Variants in CSMD1 observed in about 807,000 individuals in gnomAD.
CSMD1 encodes the protein CUB and Sushi multiple domains 1, also known as CUB and sushi domain-containing protein 1.
CSMD1 carries 213 observed loss-of-function variants against 417.5 expected under a neutral mutation model. The observed-to-expected ratio is 0.51, with a 90% CI of 0.46 to 0.57. The LOEUF (loss-of-function observed/expected upper bound fraction) is 0.57, where lower values mean the gene tolerates loss of function less well. Among genes scored for constraint, CSMD1 ranks in the 20% least tolerant of loss-of-function variants. The probability of loss-of-function intolerance (pLI) is 0.00; values close to 1 mark genes in which losing one functional copy is unlikely to be tolerated. For synonymous variants in CSMD1, 2,862 were observed against 1,736.8 expected (o/e 1.65, Z -16.11); for missense variants, 6,923 against 4,529.7 (o/e 1.53, Z -15.17).
At chr8:4,162,091 T>G (rs993602780) in intron 3 of CSMD1, among the ~76,000 whole-genome samples, 1 of 152,206 alleles carries the variant, frequency 6.6e-6, no homozygotes, top group Non-Finnish European at 1.5e-5. Flanking sequence ...AAGGCAACAT[T>G]TAAACACTGA....
rs376475292 is a variant in CSMD1, at chr8:3,024,990, G to C, written c.7855+4329C>G. ...TTGTGTGGTGTTATTCTAAAACTGT[G>C]TATTGTGTGGTGTTATTCTGAAACC... On this transcript the variant is annotated intron_variant, in intron 51 of 69. Transcript: ENST00000635120. 1.1e-3 allele frequency among the ~76,000 whole-genome samples: 174 copies of C among 151,748 alleles called. 1 individual carries two copies. Among genetic ancestry groups the C allele is most frequent in the African/African-American group, 4.1e-3 (170 of 41,326 alleles).
intron 3 of CSMD1, among the ~76,000 whole-genome samples, chr8:4,274,218 G>A (rs567822776): frequency 7.4e-4 from 113 of 152,068 alleles, no homozygotes; most frequent in Non-Finnish European, 1.3e-3. Flanking sequence ...AGTTTATAAA[G>A]TCCAGGCCTC....
intron 1 of CSMD1, among the ~76,000 whole-genome samples, chr8:4,798,469 T>C (rs901025946): frequency 1.3e-5 from 2 of 152,170 alleles, no homozygotes; most frequent in Non-Finnish European, 2.9e-5. Flanking sequence ...ATATATAAAA[T>C]GTCTATTAAA....
chr8:4,819,651 T>C (rs1340929982), intron 1 of CSMD1, among the ~76,000 whole-genome samples: 1 of 152,176 alleles, frequency 6.6e-6, no homozygotes, highest in Non-Finnish European at 1.5e-5. Flanking sequence ...ACAAATATCA[T>C]CTGTTGTCAC....
chr8:3,399,332 T>C, intron 16 of CSMD1, 59 bp downstream of exon 16: 1 of 1,467,570 alleles, frequency 6.8e-7, no homozygotes, highest in Non-Finnish European at 9.1e-7. Flanking sequence ...ATCCATTTAC[T>C]AAAACTATGG....
intron 46 of CSMD1, among the ~76,000 whole-genome samples, chr8:3,101,785 GTTTC>G (rs981061992): frequency 5.2e-5 from 7 of 133,580 alleles, no homozygotes; most frequent in Admixed American, 8.0e-5. Context: ...TGATAATTTT[GTTTC>G]TTTCTTTTTC....
chr8:4,079,615 A>T (rs781039198), intron 3 of CSMD1, among the ~76,000 whole-genome samples: 1 of 152,242 alleles, frequency 6.6e-6, no homozygotes, highest in Non-Finnish European at 1.5e-5. Context: ...AGATTTCTTC[A>T]TGGAGAATTA....
At chr8:4,409,447 A>G (rs1380586464) in intron 3 of CSMD1, among the ~76,000 whole-genome samples, 1 of 152,150 alleles carries the variant, frequency 6.6e-6, no homozygotes, top group Non-Finnish European at 1.5e-5. Flanking sequence ...ACAAATCAAC[A>G]ACAAAAAACA....
intron 2 of CSMD1, among the ~76,000 whole-genome samples, chr8:4,574,516 C>T (rs571612945): frequency 1.3e-5 from 2 of 152,284 alleles, no homozygotes; most frequent in East Asian, 3.9e-4. Flanking sequence ...CAGAAATCAC[C>T]CGCCTTCTGT....
At chr8:4,208,523 A>G (rs1196158876) in intron 3 of CSMD1, among the ~76,000 whole-genome samples, 2 of 152,174 alleles carry the variant, frequency 1.3e-5, no homozygotes, top group African/African-American at 2.4e-5. Context: ...ATACCATAAG[A>G]ACAGATTATA....
chr8:4,050,572 A>G (rs1372393443), intron 3 of CSMD1, among the ~76,000 whole-genome samples: 1 of 152,084 alleles, frequency 6.6e-6, no homozygotes, highest in Non-Finnish European at 1.5e-5. Flanking sequence ...ATCTAATCAT[A>G]CTACTTTATT....
rs538378679 is a variant in CSMD1 at position 4,784,792 on chromosome 8, AAAG to A, written c.86-147237_86-147235del. On this transcript the variant is annotated intron_variant, in intron 1 of 69. Coordinates refer to ENST00000635120, the MANE Select transcript of CSMD1 (RefSeq NM_033225.6). ...ACAATTCTCTCTTCATATAACATGAAAAGAAGAATCTCAGCAAAGCATTGTGGG... is the reference window on the plus strand; with the variant it reads ...ACAATTCTCTCTTCATATAACATGAAAAGAATCTCAGCAAAGCATTGTGGG... 7.7e-4 allele frequency among the ~76,000 whole-genome samples: 118 copies of A among 152,342 alleles called. 1 individual carries two copies. The South Asian group carries it at 0.023, about 29-fold the overall frequency.
intron 1 of CSMD1, among the ~76,000 whole-genome samples, chr8:4,665,793 A>G (rs1390103373): frequency 1.3e-5 from 2 of 152,208 alleles, no homozygotes; most frequent in Non-Finnish European, 2.9e-5. Context: ...TCCATTTATT[A>G]GCAAATATAA....
rs1584933196 is a variant in CSMD1 at position 3,592,451 on chromosome 8, G to C, written c.1098-6191C>G. ...CAAGCAGCAGAAAACACAAAAATTT[G>C]AGGAAACCTTTTCTTCAGCGTGACA... On this transcript the variant is annotated intron_variant, in intron 8 of 69. Transcript: ENST00000635120. 4.6e-5 allele frequency among the ~76,000 whole-genome samples: 7 copies of C among 152,204 alleles called. No individual in the cohort carries two copies. The East Asian group carries it at 1.2e-3, about 25-fold the overall frequency.
intron 3 of CSMD1, among the ~76,000 whole-genome samples, chr8:4,085,378 T>C (rs1800365024): frequency 6.6e-6 from 1 of 152,202 alleles, no homozygotes. Context: ...AAAGAAGCTA[T>C]ATTGGAGAAG....
At chr8:4,177,677 C>A (rs13260808) in intron 3 of CSMD1, among the ~76,000 whole-genome samples, 2 of 134,312 alleles carry the variant, frequency 1.5e-5, no homozygotes, top group African/African-American at 2.8e-5. Context: ...ATTGATAGAC[C>A]GCTAGCAAGA....
At chr8:3,890,860 T>A (rs938619218) in intron 5 of CSMD1, among the ~76,000 whole-genome samples, 1 of 152,126 alleles carries the variant, frequency 6.6e-6, no homozygotes, top group African/African-American at 2.4e-5. Flanking sequence ...GTATATACAA[T>A]GAGAGGATGA....
intron 2 of CSMD1, among the ~76,000 whole-genome samples, chr8:4,541,504 T>C (rs1797384492): frequency 6.6e-6 from 1 of 151,914 alleles, no homozygotes; most frequent in Non-Finnish European, 1.5e-5. Flanking sequence ...TCCCCACACT[T>C]TGGGAGGCTG....
chr8:4,261,530 A>C (rs578058595), intron 3 of CSMD1, among the ~76,000 whole-genome samples: 1 of 152,156 alleles, frequency 6.6e-6, no homozygotes, highest in Non-Finnish European at 1.5e-5. Flanking sequence ...TATATACTTG[A>C]AATTTGCTAA....
Sources: gnomAD v4.1 joint callset for allele counts (sites outside exome capture counted in the v4.1 genomes callset) on GRCh38, gnomAD v4.1.1 for gene constraint, MANE v1.5 for transcripts, NCBI Gene and HGNC (gene_info 2026-07-23, HGNC 2026-07-21) for gene names.